Variants in APOL5 observed in about 807,000 individuals in gnomAD.
The protein encoded by APOL5 is apolipoprotein L5.
A neutral mutation model predicts 35.5 loss-of-function variants in APOL5; 29 were observed. The observed-to-expected ratio is 0.82, with a 90% CI of 0.61 to 1.11. The LOEUF is 1.11. Ranked by LOEUF, APOL5 falls within the 50% of genes most tolerant of loss-of-function variation. The pLI is 0.00. For synonymous variants in APOL5, 188 were observed against 200.2 expected, an observed-to-expected ratio of 0.94 and a Z score of 0.51; for missense variants, 514 against 530.4, an observed-to-expected ratio of 0.97 and a Z score of 0.30.
chr22:35,712,153 G>A, the APOL5 span, among the ~76,000 whole-genome samples: 1 of 151,986 alleles, frequency 6.6e-6, no homozygotes, highest in Non-Finnish European at 1.5e-5. Context: ...ACACAGGCAT[G>A]TGCATCATAC....
chr22:35,714,848 A>G (rs529918867), upstream of APOL5, among the ~76,000 whole-genome samples: 1 of 152,344 alleles, frequency 6.6e-6, no homozygotes, highest in East Asian at 1.9e-4. Flanking sequence ...CCTCCACTGA[A>G]GGTGGCCTCC....
At chr22:35,722,592 C>T (rs528685424) in intron 2 of APOL5, among the ~76,000 whole-genome samples, 9 of 152,164 alleles carry the variant, frequency 5.9e-5, no homozygotes, top group South Asian at 2.1e-4. Flanking sequence ...TGAGCCACTG[C>T]GCCCGGCCCT....
In APOL5 at chr22:35,719,007, C is replaced by T. The variant is rs530444258; in HGVS notation, c.55+1081C>T. ...CCAGGAGGCGCAGGTTGCAGTGAGC[C>T]GAGATCGCACCACTGCATTCCAGCC... On this transcript the variant is annotated intron_variant, in intron 1 of 4. Coordinates refer to ENST00000249044, the MANE Select transcript of APOL5 (RefSeq NM_030642.1). Among the ~76,000 whole-genome samples, 88 of 150,094 alleles carry T rather than the reference C, an allele frequency of 5.9e-4. No individual in the cohort carries two copies. In the South Asian group the frequency reaches 0.018, roughly 30 times the overall value.
chr22:35,723,176 C>T (rs1249383307), intron 2 of APOL5, among the ~76,000 whole-genome samples: 2 of 152,148 alleles, frequency 1.3e-5, no homozygotes, highest in Non-Finnish European at 1.5e-5. Flanking sequence ...CCGTGGGGTT[C>T]CTTGGTCCAA....
upstream of APOL5, among the ~76,000 whole-genome samples, chr22:35,713,033 T>A (rs1463303771): frequency 6.6e-6 from 1 of 152,240 alleles, no homozygotes; most frequent in African/African-American, 2.4e-5. Context: ...TCTTACTATT[T>A]TGAACACAGC....
chr22:35,721,770 C>T (rs1926977761), intron 2 of APOL5, among the ~76,000 whole-genome samples: 3 of 152,140 alleles, frequency 2.0e-5, no homozygotes, highest in Admixed American at 2.0e-4. Flanking sequence ...GTTGCCTTGG[C>T]CTGGGCATTC....
chr22:35,717,870 G>T, upstream of APOL5: 1 of 1,572,076 alleles, frequency 6.4e-7, no homozygotes, highest in Non-Finnish European at 8.6e-7. Context: ...AAAATCTAAA[G>T]CATGCCATGT....
At chr22:35,727,670 G>T (rs1927217985) in intron 3 of APOL5, among the ~76,000 whole-genome samples, 1 of 152,222 alleles carries the variant, frequency 6.6e-6, no homozygotes, top group Non-Finnish European at 1.5e-5. Flanking sequence ...GAGCCATTGT[G>T]TCCCTCTTGT....
chr22:35,720,467 C>T, intron 1 of APOL5, 101 bp from the exon 2 acceptor site: 7 of 879,184 alleles, frequency 8.0e-6, no homozygotes, highest in South Asian at 3.2e-5. Flanking sequence ...TCTAATTCTC[C>T]AATATTGTAA....
chr22:35,720,613 A>G lies in APOL5; in HGVS notation c.101A>G (p.Tyr34Cys), dbSNP rs1399762999. The part of the protein sequence containing the change: ...CKEMWLRKVI[Y>C]GGEVWGKSPE... ...GAAATGTGGCTTCGAAAGGTAATCT[A>G]CGGAGGTGAGGTCTGGGGGAAGTCC... The change falls in exon 2 of 5, where the codon TAC becomes TGC. Residue 34 changes from tyrosine (Y) to cysteine (C), a missense_variant. This residue lies in a region of APOL5 where 254 missense variants were observed against 254.7 expected (regional missense o/e 1.00). Coordinates refer to ENST00000249044, the MANE Select transcript of APOL5 (RefSeq NM_030642.1). 4.3e-6 allele frequency: 7 copies of G among 1,614,022 alleles called. No homozygotes were observed. Among genetic ancestry groups the G allele is most frequent in the Non-Finnish European group, 5.1e-6 (6 of 1,180,020 alleles).
chr22:35,715,505 G>C (rs905995124), upstream of APOL5, among the ~76,000 whole-genome samples: 1 of 152,128 alleles, frequency 6.6e-6, no homozygotes, highest in African/African-American at 2.4e-5. Flanking sequence ...AATTAGCTGG[G>C]CGTGGTGGTG....
At chr22:35,728,971 T>C in intron 4 of APOL5, 67 bp downstream of exon 4, 2 of 1,458,612 alleles carry the variant, frequency 1.4e-6, no homozygotes, top group Non-Finnish European at 1.8e-6. Context: ...CCTCCTTGGG[T>C]GGGTGGGCTT....
chr22:35,714,614 G>A (rs1230075138), upstream of APOL5, among the ~76,000 whole-genome samples: 5 of 152,314 alleles, frequency 3.3e-5, no homozygotes, highest in Non-Finnish European at 2.9e-5. Context: ...GAACTACCTG[G>A]CTTAGGTCTA....
chr22:35,720,247 C>T (rs956872420), intron 1 of APOL5, among the ~76,000 whole-genome samples: 1 of 152,228 alleles, frequency 6.6e-6, no homozygotes, highest in African/African-American at 2.4e-5. Context: ...GCAGCACTTC[C>T]CTGCCTGCTC....
chr22:35,721,244 T>C (rs1926961581), intron 2 of APOL5, among the ~76,000 whole-genome samples: 1 of 151,816 alleles, frequency 6.6e-6, no homozygotes, highest in South Asian at 2.1e-4. Context: ...GTAAAAAAAA[T>C]GTAAAACCTT....
upstream of APOL5, among the ~76,000 whole-genome samples, chr22:35,715,701 T>G (rs1312570864): frequency 6.6e-6 from 1 of 152,212 alleles, no homozygotes; most frequent in Non-Finnish European, 1.5e-5. Flanking sequence ...GTGTCATGAA[T>G]GATGAGGTCT....
chr22:35,719,379 G>A (rs560375851), intron 1 of APOL5, among the ~76,000 whole-genome samples: 21 of 152,236 alleles, frequency 1.4e-4, no homozygotes, highest in African/African-American at 4.1e-4. Flanking sequence ...CCACCATCCC[G>A]CCCACGAGCC....
chr22:35,719,516 C>A (rs1926882695), intron 1 of APOL5, among the ~76,000 whole-genome samples: 1 of 152,208 alleles, frequency 6.6e-6, no homozygotes, highest in African/African-American at 2.4e-5. Context: ...ATTAACATGG[C>A]CCCGATTGTC....
At chr22:35,720,380 T>G (rs903856975) in intron 1 of APOL5, among the ~76,000 whole-genome samples, 188 bp from the exon 2 acceptor site, 2 of 152,240 alleles carry the variant, frequency 1.3e-5, no homozygotes, top group African/African-American at 2.4e-5. Flanking sequence ...TCCCATGGTT[T>G]GTTTGTTTAA....
Sources: allele counts gnomAD v4.1 joint callset (sites outside exome capture counted in the v4.1 genomes callset), GRCh38; gene constraint gnomAD v4.1.1; regional missense constraint gnomAD v4.1.1; transcripts MANE v1.5; gene names NCBI Gene and HGNC (gene_info 2026-07-23, HGNC 2026-07-21).